The following APOD variants were observed in gnomAD, a reference collection of about 807,000 sequenced individuals.
APOD encodes the protein apo-D.
A neutral mutation model predicts 20.4 loss-of-function variants in APOD; 22 were observed. That is an observed-to-expected ratio of 1.08 (90% confidence interval 0.77 to 1.54). APOD has a LOEUF of 1.54. APOD is among the 40% of genes most tolerant of loss of function. The pLI is 0.00. For synonymous variants in APOD, 97 were observed against 92.4 expected (o/e 1.05, Z -0.29); for missense variants, 223 against 229.6 (o/e 0.97, Z 0.19).
At chr3:195,570,234 T>G (rs985791728) in intron 4 of APOD, among the ~76,000 whole-genome samples, 1 of 152,152 alleles carries the variant, frequency 6.6e-6, no homozygotes, top group Non-Finnish European at 1.5e-5. Context: ...GAGACCTAGG[T>G]TTAGGTCCCA....
Position 195,568,915 on chromosome 3 carries a change from G to A in APOD, c.555C>T (p.Cys185=). 3 of 1,613,608 alleles carry A rather than the reference G, an allele frequency of 1.9e-6. No individual in the cohort carries two copies. The highest frequency in any genetic ancestry group is 2.5e-6 in the Non-Finnish European group (3 of 1,179,678). The part of the protein sequence containing the change: ...KKMTVTDQVN[C]PKLS ...TAGAACCTGGTTACGAGAGCTTGGG[G>A]CAGTTCACCTGGTCTGTGACCGTCA... The change falls in exon 5 of 5, where the codon TGC becomes TGT. Residue 185 remains cysteine (C), a synonymous_variant. Transcript: ENST00000343267.
chr3:195,580,790 C>T (rs1041822273), intron 1 of APOD, among the ~76,000 whole-genome samples: 1 of 152,206 alleles, frequency 6.6e-6, no homozygotes, highest in African/African-American at 2.4e-5. Context: ...AGCATTTCAA[C>T]CCCAAGAGTC....
chr3:195,583,373 A>G (rs1180442002), intron 1 of APOD, among the ~76,000 whole-genome samples: 2 of 152,256 alleles, frequency 1.3e-5, no homozygotes, highest in Non-Finnish European at 2.9e-5. Context: ...AATAGGTTCC[A>G]ATAAGTCATT....
intron 2 of APOD, among the ~76,000 whole-genome samples, chr3:195,575,196 C>T (rs1720228456): frequency 6.6e-6 from 1 of 152,202 alleles, no homozygotes; most frequent in Non-Finnish European, 1.5e-5. Flanking sequence ...TCAGATCCTT[C>T]TCACATTGCA....
rs1043193969 is a variant in APOD, at chr3:195,574,161, G to T, written c.124-190C>A. On this transcript the variant is annotated intron_variant, in intron 2 of 4. Coordinates refer to ENST00000343267, the MANE Select transcript of APOD (RefSeq NM_001647.4). Reference sequence around the variant, plus strand: ...GTGACTAGGATGGGATGTGCGGGCAGGGGGTGAATGCTGAGTAAAGGGCTC... The same window carrying T: ...GTGACTAGGATGGGATGTGCGGGCATGGGGTGAATGCTGAGTAAAGGGCTC... Among the ~76,000 whole-genome samples, 12 of 152,180 alleles carry T rather than the reference G, an allele frequency of 7.9e-5. No individual in the cohort carries two copies. In the South Asian group the frequency reaches 2.5e-3, roughly 31 times the overall value.
chr3:195,568,819 G>T lies in APOD; in HGVS notation c.*81C>A. On this transcript the variant is annotated 3_prime_UTR_variant, in exon 5 of 5. Transcript: ENST00000343267. ...TCAACTTCCTTTGTCGTGGTTGATT[G>T]GTTTGTCTTTATGGGGGGGGGGTAG... The T allele has an allele frequency of 3.4e-6, 3 of 881,222 alleles. No homozygotes were observed. The highest frequency in any genetic ancestry group is 5.3e-6 in the Non-Finnish European group (3 of 562,342). 54.6% of individuals were successfully genotyped at this position (881,222 alleles called of 1,614,324 possible).
chr3:195,575,629 T>C (rs149026450), intron 2 of APOD, among the ~76,000 whole-genome samples: 87 of 152,296 alleles, frequency 5.7e-4, no homozygotes, highest in Non-Finnish European at 8.5e-4. Context: ...AAAATACTAA[T>C]TAGAATTTTG....
chr3:195,568,838 G>GGTA lies in APOD; in HGVS notation c.*61_*62insTAC. On this transcript the variant is annotated 3_prime_UTR_variant, in exon 5 of 5. Coordinates refer to ENST00000343267, the MANE Select transcript of APOD (RefSeq NM_001647.4). ...TTGATTGGTTTGTCTTTATGGGGGG[G>GGTA]GGGTAGGGGAAAGCGAAGCAGAAGT... 1 of 1,118,392 alleles carries GGTA rather than the reference G, an allele frequency of 8.9e-7. No homozygotes were observed. Among genetic ancestry groups the GGTA allele is most frequent in the Non-Finnish European group, 1.3e-6 (1 of 798,832 alleles). 69.3% of individuals were successfully genotyped at this position (1,118,392 alleles called of 1,614,324 possible). A position where few individuals can be genotyped will look rare whatever the true frequency, so the allele number is the denominator to read the frequency against.
Position 195,569,073 on chromosome 3 carries a change from A to T in APOD, c.397T>A (p.Ser133Thr). ...TDYENYALVYSCTCIIQLFHV... is the reference protein window; with the variant it reads ...TDYENYALVYTCTCIIQLFHV... ...AAAAGTTGGATGATGCAGGTACAGGAATACACGAGGGCATAGTTCTCATAG... is the reference window on the plus strand; with the variant it reads ...AAAAGTTGGATGATGCAGGTACAGGTATACACGAGGGCATAGTTCTCATAG... The change falls in exon 5 of 5, where the codon TCC becomes ACC. Residue 133 changes from serine to threonine, a missense_variant. Transcript: ENST00000343267. 6.2e-7 allele frequency: 1 copy of T among 1,614,212 alleles called. No homozygotes were observed. The highest frequency in any genetic ancestry group is 8.5e-7 in the Non-Finnish European group (1 of 1,180,032).
intron 2 of APOD, among the ~76,000 whole-genome samples, chr3:195,574,979 A>G (rs1176962797): frequency 6.6e-6 from 1 of 152,272 alleles, no homozygotes; most frequent in Non-Finnish European, 1.5e-5. Flanking sequence ...AAATTAGCAC[A>G]AGCTTCAAAC....
At chr3:195,579,315 A>G in intron 2 of APOD, 24 bp downstream of exon 2, 2 of 1,613,758 alleles carry the variant, frequency 1.2e-6, no homozygotes, top group Non-Finnish European at 1.7e-6. Flanking sequence ...AGGCAGCAAA[A>G]CAAACGGGAG....
intron 2 of APOD, among the ~76,000 whole-genome samples, chr3:195,578,031 AAG>A (rs1343121038): frequency 6.6e-6 from 1 of 152,212 alleles, no homozygotes; most frequent in Non-Finnish European, 1.5e-5. Flanking sequence ...GGAAAGTGAA[AAG>A]CTACTTTAAA....
chr3:195,571,355 T>G lies in APOD; in HGVS notation c.256A>C (p.Thr86Pro). ...GCTTCACCTTCGATTTGATTCACAG[T>G]TCCATCAGCTCTGCAGTGAGTTAAA... ...VLNQELRADGTVNQIEGEATP... is the reference protein window; with the variant it reads ...VLNQELRADGPVNQIEGEATP... Residue 86 changes from threonine (T) to proline (P), a missense_variant, in exon 4 of 5, where the codon ACT (threonine) becomes CCT (proline). Thr to Pro is a conservative substitution (Grantham distance 38, BLOSUM62 -1). Transcript: ENST00000343267. 4 of 1,614,044 alleles carry G rather than the reference T, an allele frequency of 2.5e-6. No individual in the cohort carries two copies. The highest frequency in any genetic ancestry group is 3.4e-6 in the Non-Finnish European group (4 of 1,179,950).
rs371814690 is a variant in APOD at position 195,573,894 on chromosome 3, T to C, written c.201A>G (p.Ser67=). 6 of 1,614,074 alleles carry C rather than the reference T, an allele frequency of 3.7e-6. No individual in the cohort carries two copies. The highest frequency in any genetic ancestry group is 5.1e-6 in the Non-Finnish European group (6 of 1,180,038). Residue 67 remains serine, a synonymous_variant, in exon 3 of 5, where the codon TCA becomes TCG. Coordinates refer to ENST00000343267, the MANE Select transcript of APOD (RefSeq NM_001647.4). ...CTTTGATCTTTCCGTTTTCCATTAG[T>C]GAGTAGTTGGCCTGGATGCAGCGTC... ...ENGRCIQANY[S]LMENGKIKVL...
intron 3 of APOD, 102 bp downstream of exon 3, chr3:195,573,748 A>T: frequency 6.9e-7 from 1 of 1,455,420 alleles, no homozygotes; most frequent in Non-Finnish European, 9.3e-7. Flanking sequence ...GGCAGTCCCG[A>T]TCCAGCAAGG....
At chr3:195,575,916 G>A (rs1260297050) in intron 2 of APOD, among the ~76,000 whole-genome samples, 8 of 152,260 alleles carry the variant, frequency 5.3e-5, no homozygotes, top group African/African-American at 1.9e-4. Flanking sequence ...GTGAGCCACC[G>A]CGCCTGGCCT....
At chr3:195,579,802 C>T (rs1720304483) in intron 1 of APOD, among the ~76,000 whole-genome samples, 1 of 152,212 alleles carries the variant, frequency 6.6e-6, no homozygotes, top group Non-Finnish European at 1.5e-5. Context: ...TAGTTCTCCT[C>T]AGAATCACCC....
chr3:195,581,902 C>T (rs1459944419), intron 1 of APOD, among the ~76,000 whole-genome samples: 7 of 152,118 alleles, frequency 4.6e-5, no homozygotes, highest in African/African-American at 1.4e-4. Flanking sequence ...ATGCCAGGTG[C>T]GGTGGCTCAA....
In APOD at chr3:195,569,153, G is replaced by A; in HGVS notation, c.335-18C>T. 6.2e-7 allele frequency: 1 copy of A among 1,604,974 alleles called. No individual in the cohort carries two copies. The highest frequency in any genetic ancestry group is 8.5e-7 in the Non-Finnish European group (1 of 1,171,788). ...TGGCATAACTGAGAACCAGAGAGAG[G>A]CAGCATTATTGGAGGGAGAGGGCAA... On this transcript the variant is annotated intron_variant, in intron 4 of 4. Transcript: ENST00000343267.
Sources: allele counts gnomAD v4.1 joint callset (sites outside exome capture counted in the v4.1 genomes callset), GRCh38; gene constraint gnomAD v4.1.1; transcripts MANE v1.5; gene names NCBI Gene and HGNC (gene_info 2026-07-23, HGNC 2026-07-21).